Variants in TOP6BL observed in about 807,000 individuals in gnomAD.
The protein encoded by TOP6BL is type 2 DNA topoisomerase 6 subunit B-like.
chr11:66,788,614 A>G, the TOP6BL span, among the ~76,000 whole-genome samples: 2 of 152,232 alleles, frequency 1.3e-5, no homozygotes, highest in African/African-American at 2.4e-5. Flanking sequence ...AGGTGCTGTC[A>G]GGGCTGGCTT....
chr11:66,840,144 C>G, the TOP6BL span, among the ~76,000 whole-genome samples: 2 of 152,196 alleles, frequency 1.3e-5, no homozygotes, highest in African/African-American at 4.8e-5. Flanking sequence ...GGCAGCCCTG[C>G]TGAAGAAAAT....
At chr11:66,768,341 T>C in the TOP6BL span, among the ~76,000 whole-genome samples, 1 of 152,106 alleles carries the variant, frequency 6.6e-6, no homozygotes, top group South Asian at 2.1e-4. Flanking sequence ...ACTCTAAGGC[T>C]CAGAATTTAT....
the TOP6BL span, chr11:66,758,160 G>C: frequency 2.0e-6 from 2 of 983,542 alleles, no homozygotes; most frequent in Non-Finnish European, 2.4e-6. Flanking sequence ...CCTCTAGGTA[G>C]TTCTGATCTT....
the TOP6BL span, chr11:66,758,302 C>CTTTTTTTTTTTTTTTTTTT: frequency 6.4e-4 from 43 of 67,328 alleles, 13 homozygotes; most frequent in Non-Finnish European, 7.2e-4. Context: ...TTTTCTTTTT[C>CTTTTTTTTTTTTTTTTTTT]TTTTTTTTTT....
At chr11:66,779,330 C>T in the TOP6BL span, among the ~76,000 whole-genome samples, 1 of 151,878 alleles carries the variant, frequency 6.6e-6, no homozygotes, top group Admixed American at 6.6e-5. Flanking sequence ...AAAAACAACC[C>T]CATCAAAAAG....
the TOP6BL span, among the ~76,000 whole-genome samples, chr11:66,769,978 C>T: frequency 6.6e-6 from 1 of 151,996 alleles, no homozygotes; most frequent in Non-Finnish European, 1.5e-5. Context: ...AACTCCTGAC[C>T]TTGTGATCCG....
the TOP6BL span, among the ~76,000 whole-genome samples, chr11:66,760,994 C>CT: frequency 0.058 from 7,977 of 137,288 alleles, 282 homozygotes; most frequent in East Asian, 0.12. Flanking sequence ...CTTAAAGCAC[C>CT]TTTTTTTTTT....
chr11:66,784,124 G>A, the TOP6BL span, among the ~76,000 whole-genome samples: 9 of 152,136 alleles, frequency 5.9e-5, no homozygotes, highest in South Asian at 1.9e-3. Flanking sequence ...TCCACCTCCT[G>A]GGTTCATGCC....
At chr11:66,801,906 C>T in the TOP6BL span, among the ~76,000 whole-genome samples, 13 of 152,204 alleles carry the variant, frequency 8.5e-5, no homozygotes, top group Non-Finnish European at 1.8e-4. Flanking sequence ...CAGAGCCCTT[C>T]TGTCTTGCCT....
At chr11:66,808,149 A>G in the TOP6BL span, among the ~76,000 whole-genome samples, 1 of 152,264 alleles carries the variant, frequency 6.6e-6, no homozygotes. Flanking sequence ...GTAAGAAAGG[A>G]CAAGATAATA....
the TOP6BL span, among the ~76,000 whole-genome samples, chr11:66,817,270 C>T: frequency 6.6e-6 from 1 of 152,172 alleles, no homozygotes; most frequent in African/African-American, 2.4e-5. Context: ...AAAAAATGCA[C>T]ACCTGTTCTT....
chr11:66,767,012 C>T, the TOP6BL span, among the ~76,000 whole-genome samples: 1 of 151,946 alleles, frequency 6.6e-6, no homozygotes, highest in South Asian at 2.1e-4. Flanking sequence ...ATTGATTTTT[C>T]GTTAATTCTG....
the TOP6BL span, among the ~76,000 whole-genome samples, chr11:66,807,735 T>G: frequency 6.6e-6 from 1 of 152,082 alleles, no homozygotes; most frequent in Non-Finnish European, 1.5e-5. Flanking sequence ...GAGCAAGCAG[T>G]TGAGAGGCTA....
chr11:66,812,194 T>TTTTTTTTTTTTTTTTACG, the TOP6BL span, among the ~76,000 whole-genome samples: 1 of 151,072 alleles, frequency 6.6e-6, no homozygotes. Flanking sequence ...TCTTTTTTTT[T>TTTTTTTTTTTTTTTTACG]GAGACGGAGT....
chr11:66,838,378 A>G, the TOP6BL span: 5 of 1,613,684 alleles, frequency 3.1e-6, no homozygotes, highest in African/African-American at 1.3e-5. Flanking sequence ...AGCTAACCCT[A>G]GAAAAAAAGG....
At chr11:66,748,440 T>C in the TOP6BL span, 1 of 1,548,498 alleles carries the variant, frequency 6.5e-7, no homozygotes, top group Non-Finnish European at 8.7e-7. Context: ...GGAGCATTGC[T>C]AGAAGGGCAG....
chr11:66,830,347 TTTTAA>T, the TOP6BL span, among the ~76,000 whole-genome samples: 2 of 152,210 alleles, frequency 1.3e-5, no homozygotes, highest in South Asian at 2.1e-4. Flanking sequence ...ATTAGAAATA[TTTTAA>T]TTTAATTAAA....
At chr11:66,786,025 A>G in the TOP6BL span, among the ~76,000 whole-genome samples, 1 of 152,216 alleles carries the variant, frequency 6.6e-6, no homozygotes, top group Non-Finnish European at 1.5e-5. Context: ...CTGGCCAGAT[A>G]TGGTGGCTTA....
chr11:66,828,418 A>C, the TOP6BL span: 1 of 1,374,898 alleles, frequency 7.3e-7, no homozygotes, highest in African/African-American at 1.4e-5. Context: ...GATATATGGG[A>C]ATCCTGAATT....
Sources: allele counts gnomAD v4.1 joint callset (sites outside exome capture counted in the v4.1 genomes callset), GRCh38; gene constraint gnomAD v4.1.1; transcripts MANE v1.5; gene names NCBI Gene and HGNC (gene_info 2026-07-23, HGNC 2026-07-21).